SIPA1L3: variants seen among roughly 807,000 people sequenced by gnomAD.
The protein encoded by SIPA1L3 is signal-induced proliferation-associated 1-like protein 3.
In SIPA1L3, 59 loss-of-function variants were observed where a neutral mutation model predicts 150.1. The ratio of observed to expected loss-of-function variants is 0.39; its 90% confidence interval spans 0.32 to 0.49. The LOEUF (loss-of-function observed/expected upper bound fraction) is 0.49, where lower values mean the gene tolerates loss of function less well. Ranked by LOEUF, SIPA1L3 falls within the 20% of genes least tolerant of loss-of-function variation. The pLI, the probability that SIPA1L3 is intolerant of heterozygous loss-of-function variation, is 0.86. For missense variants in SIPA1L3, 2,211 were observed against 2,489.5 expected (o/e 0.89, Z 2.38); for synonymous variants, 1,070 against 1,077.6 (o/e 0.99, Z 0.14).
At chr19:38,187,824 C>G (rs1312151188) in intron 16 of SIPA1L3, among the ~76,000 whole-genome samples, 2 of 151,568 alleles carry the variant, frequency 1.3e-5, no homozygotes, top group East Asian at 3.9e-4. Flanking sequence ...ATAGTGAAAC[C>G]CCGTCTCTAC....
intron 2 of SIPA1L3, among the ~76,000 whole-genome samples, chr19:38,055,171 T>C (rs891110935): frequency 6.6e-6 from 1 of 152,188 alleles, no homozygotes; most frequent in Non-Finnish European, 1.5e-5. Flanking sequence ...TCAGTCAAGA[T>C]TGCAATCGGC....
At chr19:38,189,910 G>A (rs1349315701) in intron 16 of SIPA1L3, among the ~76,000 whole-genome samples, 2 of 152,076 alleles carry the variant, frequency 1.3e-5, no homozygotes, top group African/African-American at 2.4e-5. Flanking sequence ...TTCACATGAC[G>A]TCGTATCTGG....
intron 10 of SIPA1L3, among the ~76,000 whole-genome samples, chr19:38,136,121 G>C (rs1171828112): frequency 2.8e-5 from 4 of 144,558 alleles, no homozygotes; most frequent in Non-Finnish European, 4.5e-5. Context: ...GCCTAGGCTG[G>C]AGTGCAGTGG....
intron 10 of SIPA1L3, among the ~76,000 whole-genome samples, chr19:38,132,534 A>G (rs1971334759): frequency 7.4e-6 from 1 of 135,462 alleles, no homozygotes; most frequent in Non-Finnish European, 1.6e-5. Context: ...CGGTGAGCTG[A>G]GATCGTGCCA....
intron 1 of SIPA1L3, among the ~76,000 whole-genome samples, chr19:37,962,785 C>T (rs2046871246): frequency 6.6e-6 from 1 of 152,166 alleles, no homozygotes; most frequent in Admixed American, 6.5e-5. Flanking sequence ...AGCCACCTCA[C>T]CCAGCCTCAG....
chr19:38,182,429 T>G (rs1343568734), intron 15 of SIPA1L3, 90 bp from the exon 16 acceptor site: 1 of 991,082 alleles, frequency 1.0e-6, no homozygotes, highest in Non-Finnish European at 1.5e-6. Context: ...ATGAACTTTT[T>G]TGATTCCCAA....
intron 18 of SIPA1L3, among the ~76,000 whole-genome samples, chr19:38,196,271 T>TGAGAC (rs1308204926): frequency 1.3e-5 from 2 of 151,938 alleles, no homozygotes; most frequent in East Asian, 3.9e-4. Context: ...AGCTGAGCAG[T>TGAGAC]GAGACGCCAG....
In SIPA1L3 at chr19:38,081,733, C is replaced by G. The variant is rs764361441; in HGVS notation, c.168C>G (p.Thr56=). The G allele has an allele frequency of 4.3e-5, 68 of 1,583,196 alleles. No individual in the cohort carries two copies. Among genetic ancestry groups the G allele is most frequent in the East Asian group, 2.8e-4 (12 of 43,082 alleles). The change falls in exon 3 of 22, where the codon ACC becomes ACG. Residue 56 remains threonine, a synonymous_variant. Transcript: ENST00000222345. ...MSQPLGESPA[T]ATATATATTR... is the part of the protein sequence containing the mutation. ...AGCCTCTTGGCGAGAGCCCGGCCAC[C>G]GCCACCGCCACCGCCACCGCCACCA...
At position 38,083,090 on chromosome 19, in the gene SIPA1L3, G is replaced by C; in HGVS notation, c.1525G>C (p.Val509Leu). ...CGCCCGCTACTACCAGGATTACTTC[G>C]TGGGCAAAGGTGACGGATGGCGTGT... ...LGARYYQDYF[V>L]GKEHANYFGV... Residue 509 changes from valine (V) to leucine (L), a missense_variant, in exon 3 of 22, where the codon GTG becomes CTG. Val to Leu is a conservative substitution (Grantham distance 32). Around this residue, in one of 5 missense-constraint regions of SIPA1L3, gnomAD observed 625 missense variants for 804.2 expected, o/e 0.78. Coordinates refer to ENST00000222345, the MANE Select transcript of SIPA1L3 (RefSeq NM_015073.3). 1.9e-6 allele frequency: 3 copies of C among 1,608,112 alleles called. No homozygotes were observed. Among genetic ancestry groups the C allele is most frequent in the Non-Finnish European group, 2.5e-6 (3 of 1,178,708 alleles).
intron 20 of SIPA1L3, 125 bp downstream of exon 20, chr19:38,202,122 G>T: frequency 8.0e-6 from 7 of 875,116 alleles, no homozygotes; most frequent in African/African-American, 1.7e-5. Context: ...AGCTGATATA[G>T]CAGCTACTCC....
chr19:38,184,668 G>A (rs977433890), intron 16 of SIPA1L3: 5 of 152,192 alleles, frequency 3.3e-5, no homozygotes, highest in South Asian at 2.1e-4. Context: ...ATTCAAATCC[G>A]GGGATGACAC....
chr19:37,979,672 G>C (rs1040215655), intron 1 of SIPA1L3, among the ~76,000 whole-genome samples: 44 of 152,188 alleles, frequency 2.9e-4, no homozygotes, highest in African/African-American at 1.0e-3. Flanking sequence ...GCAGAATTGA[G>C]TGGTTGCAAC....
At chr19:38,001,495 T>C (rs1431287015) in intron 1 of SIPA1L3, among the ~76,000 whole-genome samples, 1 of 152,096 alleles carries the variant, frequency 6.6e-6, no homozygotes, top group African/African-American at 2.4e-5. Flanking sequence ...GGAACAATCA[T>C]AGCTCACTTC....
At position 38,044,767 on chromosome 19, in the gene SIPA1L3, G is replaced by A. The variant is rs1167250191; in HGVS notation, c.-311+15611G>A. Among the ~76,000 whole-genome samples the A allele has an allele frequency of 7.9e-5, 12 of 152,162 alleles. 1 individual carries two copies. The highest frequency in any genetic ancestry group is 7.2e-4 in the Admixed American group (11 of 15,272). On this transcript the variant is annotated intron_variant, in intron 2 of 21. Transcript: ENST00000222345. ...GTCGTCACTGTGGAGTATGGCAGAA[G>A]TGTGTTCTATGGACCTGGGCTCCTG...
chr19:37,948,665 G>A (rs1231942624), intron 1 of SIPA1L3, among the ~76,000 whole-genome samples: 1 of 152,106 alleles, frequency 6.6e-6, no homozygotes, highest in Non-Finnish European at 1.5e-5. Context: ...CACAGTTAGG[G>A]CTCAGGACAG....
Position 38,136,183 on chromosome 19 carries a change from C to CAAAAAAAA in SIPA1L3, c.3144-4985_3144-4978dup, listed in dbSNP as rs56146390. On this transcript the variant is annotated intron_variant, in intron 10 of 21. Coordinates refer to ENST00000222345, the MANE Select transcript of SIPA1L3 (RefSeq NM_015073.3). ...CCTGGGCAAGAGAGTGAGACTGTCT[C>CAAAAAAAA]AAAAAAAAAAAAAAAAAAAAAAAGA... 2.9e-3 allele frequency among the ~76,000 whole-genome samples: 129 copies of CAAAAAAAA among 44,022 alleles called. 6 individuals are homozygous for CAAAAAAAA. Among genetic ancestry groups the CAAAAAAAA allele is most frequent in the Admixed American group, 4.5e-3 (13 of 2,876 alleles). The allele number at this position is 44,022 out of a possible 152,430, so 28.9% of individuals were successfully genotyped here. A position where few individuals can be genotyped will look rare whatever the true frequency, so the allele number is the denominator to read the frequency against.
intron 9 of SIPA1L3, among the ~76,000 whole-genome samples, chr19:38,128,749 T>G (rs755122016): frequency 6.6e-6 from 1 of 151,872 alleles, no homozygotes; most frequent in Non-Finnish European, 1.5e-5. Context: ...GTACCAAAAT[T>G]AGCTGGGTGT....
At chr19:37,979,882 C>T (rs958885649) in intron 1 of SIPA1L3, among the ~76,000 whole-genome samples, 18 of 152,244 alleles carry the variant, frequency 1.2e-4, no homozygotes, top group Admixed American at 5.9e-4. Flanking sequence ...TGCCCAGGTT[C>T]GGCTGGCGGT....
intron 1 of SIPA1L3, among the ~76,000 whole-genome samples, chr19:37,946,796 T>A (rs959702154): frequency 1.3e-5 from 2 of 152,220 alleles, no homozygotes; most frequent in Non-Finnish European, 2.9e-5. Context: ...GGCTTTCATT[T>A]TAGGATGAGA....
Sources: gnomAD v4.1 joint callset for allele counts (sites outside exome capture counted in the v4.1 genomes callset) on GRCh38, gnomAD v4.1.1 for gene constraint, gnomAD v4.1.1 regional missense constraint, MANE v1.5 for transcripts, NCBI Gene and HGNC (gene_info 2026-07-23, HGNC 2026-07-21) for gene names.